Variants in SEPTIN7 observed in about 807,000 individuals in gnomAD.
SEPTIN7 encodes septin-7.
A neutral mutation model predicts 63.3 loss-of-function variants in SEPTIN7; 10 were observed. The observed-to-expected ratio is 0.16, with a 90% confidence interval of 0.10 to 0.27. SEPTIN7 has a LOEUF of 0.27. Among genes scored for constraint, SEPTIN7 ranks in the 10% least tolerant of loss-of-function variants. SEPTIN7 has a pLI of 1.00. For synonymous variants in SEPTIN7, 131 were observed against 165.3 expected (o/e 0.79, Z 1.59); for missense variants, 310 against 521.0 (o/e 0.59, Z 3.94).
At chr7:35,873,083 T>C (rs9639717) in intron 5 of SEPTIN7, among the ~76,000 whole-genome samples, 144,036 of 152,158 alleles carry the variant, frequency 0.95, 68,599 homozygotes, top group East Asian at 1. Flanking sequence ...TTAATTTTAT[T>C]CATTTGTATA....
chr7:35,879,990 C>A lies in SEPTIN7; in HGVS notation c.630+50C>A, dbSNP rs530428417. On this transcript the variant is annotated intron_variant, in intron 7 of 13. Transcript: ENST00000350320. ...TTTCTTATACCGTTCTCATAATTTG[C>A]AGTTTTTACTATTTTTAGTATAATG... 4.7e-5 allele frequency: 49 copies of A among 1,033,614 alleles called. No homozygotes were observed. The East Asian group carries it at 1.0e-3, about 21-fold the overall frequency. The allele number at this position is 1,033,614 out of a possible 1,614,324, so 64.0% of individuals were successfully genotyped here.
At chr7:35,850,108 C>A (rs1784888769) in intron 3 of SEPTIN7, among the ~76,000 whole-genome samples, 1 of 152,138 alleles carries the variant, frequency 6.6e-6, no homozygotes, top group Non-Finnish European at 1.5e-5. Flanking sequence ...GAAACACTTG[C>A]CTAGATATTC....
At chr7:35,909,482 T>G (rs1788700531), downstream of SEPTIN7, among the ~76,000 whole-genome samples, 1 of 152,226 alleles carries the variant, frequency 6.6e-6, no homozygotes, top group South Asian at 2.1e-4. Flanking sequence ...ATAGGTTTTT[T>G]TCTCCAACTT....
intron 6 of SEPTIN7, among the ~76,000 whole-genome samples, chr7:35,877,835 G>A (rs1331306122): frequency 6.6e-6 from 1 of 152,194 alleles, no homozygotes; most frequent in African/African-American, 2.4e-5. Context: ...GCTGTAGAGG[G>A]TATTTCAGTG....
chr7:35,844,805 G>T (rs1016551385), intron 3 of SEPTIN7, among the ~76,000 whole-genome samples: 1 of 152,174 alleles, frequency 6.6e-6, no homozygotes, highest in Admixed American at 6.5e-5. Context: ...ATTTCACCAT[G>T]TTGGCCAGGC....
chr7:35,815,918 A>G, intron 1 of SEPTIN7, among the ~76,000 whole-genome samples: 1 of 151,316 alleles, frequency 6.6e-6, no homozygotes, highest in East Asian at 1.9e-4. Flanking sequence ...CCTTTTTTCT[A>G]CCACTTTCCC....
chr7:35,817,939 G>A (rs1211171940), intron 1 of SEPTIN7, among the ~76,000 whole-genome samples: 2 of 150,212 alleles, frequency 1.3e-5, no homozygotes, highest in Non-Finnish European at 3.0e-5. Context: ...AGATCATATC[G>A]CCTGCAAATA....
chr7:35,813,218 C>T (rs1788841093), intron 1 of SEPTIN7, among the ~76,000 whole-genome samples: 1 of 152,198 alleles, frequency 6.6e-6, no homozygotes, highest in Non-Finnish European at 1.5e-5. Flanking sequence ...TAAGTTACAG[C>T]AGATACTGGA....
rs1470389733 is a variant in SEPTIN7 at position 35,801,263 on chromosome 7, C to G, written c.54C>G (p.Ser18Arg). The part of the protein sequence containing the change: ...AAAEERSVNS[S>R]TMVAQQKNLE... ...CTGAGGAGAGGAGCGTCAACAGCAGCACCATGGGTGAGTCTCAGCTTCGGG... is the reference window on the plus strand; with the variant it reads ...CTGAGGAGAGGAGCGTCAACAGCAGGACCATGGGTGAGTCTCAGCTTCGGG... The change falls in exon 1 of 14, where the codon AGC becomes AGG. Residue 18 changes from serine (S) to arginine (R), a missense_variant. Coordinates refer to ENST00000350320, the MANE Select transcript of SEPTIN7 (RefSeq NM_001788.6). 6.0e-6 allele frequency: 9 copies of G among 1,506,442 alleles called. No homozygotes were observed. In the Admixed American group the frequency reaches 1.5e-4, roughly 26 times the overall value. 93.3% of individuals were successfully genotyped at this position (1,506,442 alleles called of 1,614,324 possible).
chr7:35,892,204 A>T (rs1562584313), intron 11 of SEPTIN7, among the ~76,000 whole-genome samples: 1 of 152,222 alleles, frequency 6.6e-6, no homozygotes, highest in Non-Finnish European at 1.5e-5. Context: ...CAAGTTCTCA[A>T]AATAGCTATA....
At chr7:35,813,356 T>C (rs1297066884) in intron 1 of SEPTIN7, among the ~76,000 whole-genome samples, 2 of 152,022 alleles carry the variant, frequency 1.3e-5, no homozygotes, top group Non-Finnish European at 2.9e-5. Flanking sequence ...TAATATTCAG[T>C]ATTCCTTTTT....
At chr7:35,872,282 A>G (rs372961524) in intron 4 of SEPTIN7, among the ~76,000 whole-genome samples, 8 of 152,170 alleles carry the variant, frequency 5.3e-5, no homozygotes, top group African/African-American at 1.7e-4. Flanking sequence ...TTACATTTGA[A>G]CTCTGTGAAT....
intron 9 of SEPTIN7, among the ~76,000 whole-genome samples, chr7:35,885,476 G>A (rs956913876): frequency 6.6e-6 from 1 of 152,008 alleles, no homozygotes; most frequent in African/African-American, 2.4e-5. Flanking sequence ...TTTCTAAAGT[G>A]ATTCTCCCTT....
chr7:35,914,366 T>A, the SEPTIN7 span, among the ~76,000 whole-genome samples: 1 of 152,192 alleles, frequency 6.6e-6, no homozygotes, highest in East Asian at 1.9e-4. Flanking sequence ...TTTAGATCAG[T>A]GTACTTTGAA....
intron 3 of SEPTIN7, among the ~76,000 whole-genome samples, chr7:35,838,836 T>C (rs571103567): frequency 7.2e-4 from 110 of 152,328 alleles, no homozygotes; most frequent in African/African-American, 2.5e-3. Context: ...ATCTAAGTTG[T>C]GAGGCAGGAA....
At chr7:35,836,726 A>G (rs1784100915) in intron 3 of SEPTIN7, among the ~76,000 whole-genome samples, 1 of 152,104 alleles carries the variant, frequency 6.6e-6, no homozygotes, top group Non-Finnish European at 1.5e-5. Flanking sequence ...CTGCCTGTTG[A>G]TGTTTGAATT....
intron 3 of SEPTIN7, among the ~76,000 whole-genome samples, chr7:35,859,130 AGT>A (rs1156711266): frequency 7.9e-5 from 12 of 151,950 alleles, no homozygotes; most frequent in Admixed American, 3.9e-4. Context: ...TTTTTATATA[AGT>A]GTTTACAACT....
At chr7:35,841,069 C>CT (rs1784385106) in intron 3 of SEPTIN7, among the ~76,000 whole-genome samples, 2 of 151,960 alleles carry the variant, frequency 1.3e-5, no homozygotes, top group Admixed American at 6.6e-5. Flanking sequence ...AGATTGCAGT[C>CT]TATTAGCCAG....
At chr7:35,887,907 A>G (rs1787365049) in intron 10 of SEPTIN7, among the ~76,000 whole-genome samples, 1 of 152,232 alleles carries the variant, frequency 6.6e-6, no homozygotes, top group Non-Finnish European at 1.5e-5. Context: ...ACCAATACCA[A>G]TATTACAGAT....
Sources: allele counts gnomAD v4.1 joint callset (sites outside exome capture counted in the v4.1 genomes callset), GRCh38; gene constraint gnomAD v4.1.1; transcripts MANE v1.5; gene names NCBI Gene and HGNC (gene_info 2026-07-23, HGNC 2026-07-21).